The following LIN9 variants were observed in gnomAD, a reference collection of about 807,000 sequenced individuals.
The protein encoded by LIN9 is lin-9 DREAM MuvB core complex component, also known as protein lin-9 homolog.
A neutral mutation model predicts 78.0 loss-of-function variants in LIN9; 18 were observed. The ratio of observed to expected loss-of-function variants is 0.23; its 90% CI spans 0.16 to 0.34. LIN9 has a LOEUF of 0.34. Among genes scored for constraint, LIN9 ranks in the 10% least tolerant of loss-of-function variants. The pLI is 1.00. For missense variants in LIN9, 451 were observed against 644.1 expected, an observed-to-expected ratio of 0.70 and a Z score of 3.25; for synonymous variants, 192 against 215.2, an observed-to-expected ratio of 0.89 and a Z score of 0.94.
chr1:226,305,597 G>A (rs1662860825), intron 1 of LIN9, among the ~76,000 whole-genome samples: 1 of 147,962 alleles, frequency 6.8e-6, no homozygotes, highest in African/African-American at 2.5e-5. Context: ...ACAATTAGAA[G>A]TTAACTGAAA....
At chr1:226,239,209 T>A (rs944696529) in intron 11 of LIN9, 113 bp from the exon 12 acceptor site, 1 of 1,046,472 alleles carries the variant, frequency 9.6e-7, no homozygotes, top group African/African-American at 1.6e-5. Context: ...GGTTATTAAA[T>A]TTGTCTGTTT....
At position 226,231,916 on chromosome 1, in the gene LIN9, C is replaced by T. The variant is rs758820800; in HGVS notation, c.*585G>A. The T allele has an allele frequency of 4.3e-5, 16 of 373,584 alleles. No individual in the cohort carries two copies. In the East Asian group the frequency reaches 5.8e-4, roughly 14 times the overall value. The allele number at this position is 373,584 out of a possible 1,614,324, so 23.1% of individuals were successfully genotyped here. On this transcript the variant is annotated 3_prime_UTR_variant, in exon 15 of 15. Coordinates refer to ENST00000681046, the MANE Select transcript of LIN9 (RefSeq NM_001366245.2). ...ATATTTATTATTATAAAATGATCTA[C>T]AGAACCATGTCACATTGCAAGTATA... is the stretch of plus-strand genomic sequence containing the variant.
upstream of LIN9, chr1:226,309,249 C>G (rs1558217435): frequency 1.5e-6 from 2 of 1,310,002 alleles, no homozygotes; most frequent in South Asian, 1.9e-5. Context: ...CCCGCGGCGC[C>G]GCGCTGCGCT....
chr1:226,288,798 A>G (rs564136810), intron 4 of LIN9, among the ~76,000 whole-genome samples: 1 of 152,374 alleles, frequency 6.6e-6, no homozygotes, highest in South Asian at 2.1e-4. Flanking sequence ...ATCAGTTCTT[A>G]GGTAGTCTCA....
chr1:226,235,374 G>C (rs1243161680), intron 12 of LIN9, among the ~76,000 whole-genome samples: 3 of 132,246 alleles, frequency 2.3e-5, no homozygotes, highest in Non-Finnish European at 4.9e-5. Context: ...ATGCCACCAA[G>C]AGAAAAAATT....
chr1:226,272,051 CTTTTT>C (rs1215375984), intron 7 of LIN9, among the ~76,000 whole-genome samples: 1 of 128,148 alleles, frequency 7.8e-6, no homozygotes. Flanking sequence ...ATTATCTTAA[CTTTTT>C]TTTTTTTTTT....
chr1:226,263,038 A>G (rs1485904722), intron 10 of LIN9, among the ~76,000 whole-genome samples: 1 of 152,220 alleles, frequency 6.6e-6, no homozygotes, highest in South Asian at 2.1e-4. Flanking sequence ...CCAATATAAA[A>G]AGGCTATATA....
At chr1:226,240,294 G>C (rs139542314) in intron 11 of LIN9, among the ~76,000 whole-genome samples, 1 of 152,042 alleles carries the variant, frequency 6.6e-6, no homozygotes, top group Non-Finnish European at 1.5e-5. Flanking sequence ...GCCCAGGCTA[G>C]ACTCGAACTC....
At chr1:226,290,062 C>T (rs1438089894) in intron 4 of LIN9, among the ~76,000 whole-genome samples, 1 of 151,408 alleles carries the variant, frequency 6.6e-6, no homozygotes, top group Non-Finnish European at 1.5e-5. Flanking sequence ...TTTTAAAATC[C>T]CATATGTTAA....
At chr1:226,268,178 T>C in intron 7 of LIN9, 88 bp from the exon 8 acceptor site, 2 of 1,262,056 alleles carry the variant, frequency 1.6e-6, no homozygotes, top group Non-Finnish European at 2.2e-6. Flanking sequence ...ATTTAAATCA[T>C]AGTACAGTAT....
chr1:226,283,226 A>C (rs2102961159), intron 6 of LIN9, among the ~76,000 whole-genome samples: 1 of 151,472 alleles, frequency 6.6e-6, no homozygotes, highest in Middle Eastern at 3.4e-3. Context: ...TCCAGAGCTC[A>C]AGCGATACTC....
At chr1:226,304,956 T>TG (rs1460340561) in intron 1 of LIN9, among the ~76,000 whole-genome samples, 9 of 152,030 alleles carry the variant, frequency 5.9e-5, no homozygotes, top group African/African-American at 9.7e-5. Flanking sequence ...CCCAGCACTT[T>TG]GGGGGGCTAA....
intron 12 of LIN9, among the ~76,000 whole-genome samples, chr1:226,237,934 C>G (rs903260340): frequency 2.2e-5 from 3 of 136,248 alleles, no homozygotes; most frequent in Admixed American, 7.8e-5. Context: ...GCCTGGGCAA[C>G]AGAGTAAGAC....
chr1:226,241,304 T>C (rs1437158569), intron 11 of LIN9, among the ~76,000 whole-genome samples: 1 of 152,230 alleles, frequency 6.6e-6, no homozygotes, highest in East Asian at 1.9e-4. Context: ...ACTGAGGATA[T>C]AGTGTAACAT....
intron 4 of LIN9, among the ~76,000 whole-genome samples, chr1:226,289,699 G>C (rs1661601558): frequency 6.6e-6 from 1 of 152,010 alleles, no homozygotes; most frequent in Non-Finnish European, 1.5e-5. Context: ...AGATATGCTA[G>C]ATGTAGAGAT....
rs753961179 is a variant in LIN9 at position 226,267,957 on chromosome 1, G to A, written c.816C>T (p.Leu272=). 8.7e-6 allele frequency: 14 copies of A among 1,610,950 alleles called. 1 individual carries two copies. The highest frequency in any genetic ancestry group is 4.4e-5 in the South Asian group (4 of 90,672). ...AAATGTATTATGAAATACTACTTAC[G>A]AGAACTTCATAGTCAGGGATGGTAT... is the stretch of plus-strand genomic sequence containing the variant. ...GTHTIPDYEV[L]SNEPHETMPI... The change falls in exon 8 of 15, where the codon CTC becomes CTT. Residue 272 remains leucine, a splice_region_variant and synonymous_variant. Coordinates refer to ENST00000681046, the MANE Select transcript of LIN9 (RefSeq NM_001366245.2).
At chr1:226,309,756 C>G (rs1663185956), upstream of LIN9, 2 of 1,287,534 alleles carry the variant, frequency 1.6e-6, no homozygotes, top group Admixed American at 2.3e-5. Flanking sequence ...TCCGGGCACG[C>G]CTTTCCCGAA....
rs1169090750 is a variant in LIN9 at position 226,309,140 on chromosome 1, C to T, written c.-1G>A. ...CAGGCAACTGGTCGAGCTCCGCCAT[C>T]TTGAACGAGCCGCGCCGCTTTTTCA... On this transcript the variant is annotated 5_prime_UTR_variant, in exon 1 of 15. Coordinates refer to ENST00000681046, the MANE Select transcript of LIN9 (RefSeq NM_001366245.2). 2.2e-6 allele frequency: 3 copies of T among 1,364,558 alleles called. No homozygotes were observed. Among genetic ancestry groups the T allele is most frequent in the Admixed American group, 2.8e-5 (1 of 35,978 alleles). The allele number at this position is 1,364,558 out of a possible 1,614,324, so 84.5% of individuals were successfully genotyped here.
At chr1:226,283,679 A>G (rs1161614717) in intron 6 of LIN9, among the ~76,000 whole-genome samples, 2 of 152,016 alleles carry the variant, frequency 1.3e-5, no homozygotes, top group Non-Finnish European at 1.5e-5. Context: ...CAGGCATGGT[A>G]GCTCATACCC....
Sources: gnomAD v4.1 joint callset for allele counts (sites outside exome capture counted in the v4.1 genomes callset) on GRCh38, gnomAD v4.1.1 for gene constraint, MANE v1.5 for transcripts, NCBI Gene and HGNC (gene_info 2026-07-23, HGNC 2026-07-21) for gene names.